SKAP1: variants seen among roughly 807,000 people sequenced by gnomAD.
SKAP1 encodes src kinase-associated phosphoprotein 1.
SKAP1 carries 44 observed loss-of-function variants against 58.5 expected under a neutral mutation model. The ratio of observed to expected loss-of-function variants is 0.75; its 90% confidence interval spans 0.59 to 0.97. The LOEUF is 0.97. SKAP1 is among the 50% of genes least tolerant of loss of function. The pLI is 0.00. For synonymous variants in SKAP1, 127 were observed against 149.7 expected, an observed-to-expected ratio of 0.85 and a Z score of 1.11; for missense variants, 390 against 435.2, an observed-to-expected ratio of 0.90 and a Z score of 0.92.
chr17:48,433,949 A>T (rs1435966532), upstream of SKAP1, among the ~76,000 whole-genome samples: 2 of 152,258 alleles, frequency 1.3e-5, no homozygotes, highest in Non-Finnish European at 2.9e-5. Flanking sequence ...AATGGCATGC[A>T]GTGGGAACAC....
Position 48,430,059 on chromosome 17 carries a change from T to A in SKAP1, c.46+16A>T, listed in dbSNP as rs993138978. ...CTTCGGCTCAGCACTGGAGGGGGCC[T>A]GCGCCAGGGCGTTACCTTCCAGGAG... is the stretch of plus-strand genomic sequence containing the variant. On this transcript the variant is annotated intron_variant, in intron 1 of 12. Coordinates refer to ENST00000336915, the MANE Select transcript of SKAP1 (RefSeq NM_003726.4). 1 of 1,262,388 alleles carries A rather than the reference T, an allele frequency of 7.9e-7. No homozygotes were observed. The highest frequency in any genetic ancestry group is 3.1e-5 in the East Asian group (1 of 32,518). The allele number at this position is 1,262,388 out of a possible 1,614,324, so 78.2% of individuals were successfully genotyped here.
intron 4 of SKAP1, among the ~76,000 whole-genome samples, chr17:48,199,691 T>TA: frequency 6.6e-6 from 1 of 152,156 alleles, no homozygotes; most frequent in Non-Finnish European, 1.5e-5. Context: ...AAGACCTTAG[T>TA]AACAATGTAA....
intron 1 of SKAP1, among the ~76,000 whole-genome samples, chr17:48,417,384 G>T (rs2067744895): frequency 6.6e-6 from 1 of 152,176 alleles, no homozygotes; most frequent in African/African-American, 2.4e-5. Flanking sequence ...CTAGCAGCTA[G>T]CCTAGAAATC....
chr17:48,366,292 G>T (rs2067001037), intron 2 of SKAP1, among the ~76,000 whole-genome samples: 1 of 152,314 alleles, frequency 6.6e-6, no homozygotes, highest in East Asian at 1.9e-4. Context: ...ACATAAGAAA[G>T]TGGAGAAGAA....
the SKAP1 span, among the ~76,000 whole-genome samples, chr17:48,445,033 G>C: frequency 6.6e-6 from 1 of 152,176 alleles, no homozygotes; most frequent in Non-Finnish European, 1.5e-5. Context: ...GACAGGAGAA[G>C]CAGCGAGCGA....
At chr17:48,266,975 C>T (rs16954469) in intron 4 of SKAP1, among the ~76,000 whole-genome samples, 3,289 of 152,232 alleles carry the variant, frequency 0.022, 109 homozygotes, top group African/African-American at 0.073. Flanking sequence ...ACACGAAATG[C>T]TTTCACTGCT....
intron 4 of SKAP1, among the ~76,000 whole-genome samples, chr17:48,197,001 G>A (rs2064642260): frequency 6.6e-6 from 1 of 152,242 alleles, no homozygotes; most frequent in Non-Finnish European, 1.5e-5. Flanking sequence ...GCCCACGCCT[G>A]TAATCCCAGC....
intron 2 of SKAP1, among the ~76,000 whole-genome samples, chr17:48,376,885 A>G (rs1214938119): frequency 1.3e-5 from 2 of 152,182 alleles, no homozygotes; most frequent in East Asian, 3.9e-4. Flanking sequence ...CTGCCTGCAC[A>G]TAAGAGTTGC....
chr17:48,397,737 C>A (rs1026667686), intron 1 of SKAP1, among the ~76,000 whole-genome samples: 3 of 152,024 alleles, frequency 2.0e-5, no homozygotes, highest in African/African-American at 4.8e-5. Flanking sequence ...AGTGAAGGAA[C>A]CCACATGAGA....
intron 2 of SKAP1, among the ~76,000 whole-genome samples, chr17:48,375,365 G>T (rs1053872044): frequency 6.6e-6 from 1 of 152,106 alleles, no homozygotes; most frequent in African/African-American, 2.4e-5. Flanking sequence ...CAGCAAAAAA[G>T]AAATTAAATT....
At chr17:48,392,980 G>A (rs1047510654) in intron 2 of SKAP1, among the ~76,000 whole-genome samples, 1 of 151,784 alleles carries the variant, frequency 6.6e-6, no homozygotes, top group Non-Finnish European at 1.5e-5. Flanking sequence ...TTCTCCCAAT[G>A]CGTTAGAATG....
intron 4 of SKAP1, among the ~76,000 whole-genome samples, chr17:48,233,976 G>T (rs1332055509): frequency 6.6e-6 from 1 of 152,200 alleles, no homozygotes. Context: ...TTTTTTGGCA[G>T]TGAAAGGTTT....
chr17:48,195,800 T>C (rs1019000848), intron 4 of SKAP1, among the ~76,000 whole-genome samples: 5 of 152,172 alleles, frequency 3.3e-5, no homozygotes, highest in South Asian at 2.1e-4. Flanking sequence ...AATAGACTCA[T>C]GTTGCCCTTC....
chr17:48,434,174 T>A (rs1042203329), upstream of SKAP1, among the ~76,000 whole-genome samples: 3 of 152,164 alleles, frequency 2.0e-5, no homozygotes, highest in Non-Finnish European at 4.4e-5. Flanking sequence ...TCAACCGGGT[T>A]TATTGACTCT....
chr17:48,363,640 C>T, intron 3 of SKAP1, 149 bp downstream of exon 3: 2 of 604,580 alleles, frequency 3.3e-6, no homozygotes, highest in Non-Finnish European at 5.8e-6. Flanking sequence ...GGGAGCGCAG[C>T]AGGGTGAAGG....
chr17:48,415,257 C>T (rs1226495095), intron 1 of SKAP1, among the ~76,000 whole-genome samples: 1 of 152,058 alleles, frequency 6.6e-6, no homozygotes, highest in African/African-American at 2.4e-5. Context: ...GCATAAATTT[C>T]TGCCTATTCT....
chr17:48,337,331 A>G (rs139171181), intron 4 of SKAP1, among the ~76,000 whole-genome samples: 26 of 152,320 alleles, frequency 1.7e-4, no homozygotes, highest in Non-Finnish European at 1.0e-4. Context: ...AGTGTTATTA[A>G]CCTTTCTTTT....
intron 4 of SKAP1, among the ~76,000 whole-genome samples, chr17:48,208,113 T>C (rs1307693430): frequency 6.6e-6 from 1 of 152,198 alleles, no homozygotes; most frequent in Non-Finnish European, 1.5e-5. Flanking sequence ...ATACTTTAGA[T>C]TGGGAGTGGA....
In SKAP1 at chr17:48,271,006, A is replaced by C. The variant is rs1284383416; in HGVS notation, c.280+74899T>G. Among the ~76,000 whole-genome samples the C allele has an allele frequency of 2.6e-5, 4 of 152,066 alleles. No individual in the cohort carries two copies. In the East Asian group the frequency reaches 7.7e-4, roughly 29 times the overall value. ...ATGGTGAACCTGAGCAGAAGAAGGG[A>C]GGTGTCAGAAGGAGATAGGAGAGCA... On this transcript the variant is annotated intron_variant, in intron 4 of 12. Coordinates refer to ENST00000336915, the MANE Select transcript of SKAP1 (RefSeq NM_003726.4).
Sources: gnomAD v4.1 joint callset for allele counts (sites outside exome capture counted in the v4.1 genomes callset) on GRCh38, gnomAD v4.1.1 for gene constraint, MANE v1.5 for transcripts, NCBI Gene and HGNC (gene_info 2026-07-23, HGNC 2026-07-21) for gene names.